The following LPA variants were observed in gnomAD, a reference collection of about 807,000 sequenced individuals.
LPA encodes the protein apolipoprotein(a).
LPA carries 199 observed loss-of-function variants against 197.9 expected under a neutral mutation model. The ratio of observed to expected loss-of-function variants is 1.01; its 90% CI spans 0.90 to 1.13. The LOEUF is 1.13. Among genes scored for constraint, LPA ranks in the 50% most tolerant of loss-of-function variants. LPA has a pLI of 0.00. For synonymous variants in LPA, 715 were observed against 639.5 expected, an observed-to-expected ratio of 1.12 and a Z score of -1.78; for missense variants, 1,853 against 1,785.8, an observed-to-expected ratio of 1.04 and a Z score of -0.68.
At chr6:160,564,972 G>A (rs1006238259) in intron 28 of LPA, among the ~76,000 whole-genome samples, 10 of 152,322 alleles carry the variant, frequency 6.6e-5, no homozygotes, top group Middle Eastern at 6.8e-3. Context: ...GCAAAGCTGG[G>A]GGAGGGGCGT....
intron 27 of LPA, 55 bp from the exon 28 acceptor site, chr6:160,577,350 G>T: frequency 1.3e-6 from 2 of 1,543,326 alleles, no homozygotes; most frequent in South Asian, 1.1e-5. Context: ...AGAGAAACAT[G>T]GGAGACAATT....
intron 22 of LPA, among the ~76,000 whole-genome samples, chr6:160,593,434 C>A (rs1779068640): frequency 6.6e-6 from 1 of 152,194 alleles, no homozygotes; most frequent in African/African-American, 2.4e-5. Context: ...CTCTCAGCTG[C>A]CTTCCTACTT....
chr6:160,546,238 G>A (rs923586475), intron 32 of LPA, among the ~76,000 whole-genome samples: 2 of 152,118 alleles, frequency 1.3e-5, no homozygotes, highest in African/African-American at 4.8e-5. Flanking sequence ...AAGGTGAGCC[G>A]ATCACCGATG....
intron 33 of LPA, 143 bp downstream of exon 33, chr6:160,545,297 G>A (rs1778047782): frequency 4.6e-6 from 3 of 654,192 alleles, no homozygotes; most frequent in Non-Finnish European, 8.1e-6. Context: ...TGGCCATGAT[G>A]AAAAGCAGGC....
chr6:160,620,602 GTTTT>G (rs1416619077), intron 12 of LPA, among the ~76,000 whole-genome samples: 1 of 103,310 alleles, frequency 9.7e-6, no homozygotes, highest in Non-Finnish European at 1.9e-5. Context: ...TACAGGTTGG[GTTTT>G]TTTTCCGAAA....
chr6:160,537,384 G>A (rs1411765442), intron 37 of LPA, among the ~76,000 whole-genome samples: 1 of 152,142 alleles, frequency 6.6e-6, no homozygotes, highest in Non-Finnish European at 1.5e-5. Flanking sequence ...GGGTATTTGG[G>A]AAGAAGAATA....
At chr6:160,611,265 G>A (rs997602673) in intron 16 of LPA, among the ~76,000 whole-genome samples, 4 of 152,070 alleles carry the variant, frequency 2.6e-5, no homozygotes, top group Non-Finnish European at 5.9e-5. Flanking sequence ...ACGCTTAGTG[G>A]GTGTTGGGCA....
intron 30 of LPA, among the ~76,000 whole-genome samples, chr6:160,554,955 C>T (rs576070183): frequency 2.6e-5 from 4 of 151,920 alleles, no homozygotes; most frequent in South Asian, 2.1e-4. Flanking sequence ...TACGGAGTTG[C>T]GCTCATTCAT....
At chr6:160,576,025 C>T (rs1185240317) in intron 28 of LPA, among the ~76,000 whole-genome samples, 1 of 152,042 alleles carries the variant, frequency 6.6e-6, no homozygotes, top group African/African-American at 2.4e-5. Flanking sequence ...TGATGAAATA[C>T]AGCACACTTA....
intron 16 of LPA, among the ~76,000 whole-genome samples, chr6:160,608,947 A>G (rs1779420372): frequency 6.6e-6 from 1 of 151,950 alleles, no homozygotes; most frequent in African/African-American, 2.4e-5. Flanking sequence ...CTATTCAGAA[A>G]TGTCTAAATT....
intron 1 of LPA, 134 bp from the exon 2 acceptor site, chr6:160,650,631 G>A (rs1435939382): frequency 4.9e-6 from 4 of 815,510 alleles, no homozygotes; most frequent in Admixed American, 4.0e-5. Context: ...CAGGCAGACA[G>A]ACGTGCAAAA....
chr6:160,601,693 T>C (rs1364863926), intron 18 of LPA, among the ~76,000 whole-genome samples: 1 of 152,234 alleles, frequency 6.6e-6, no homozygotes, highest in South Asian at 2.1e-4. Flanking sequence ...TGTCTGTCGA[T>C]ACCGTATCAG....
intron 20 of LPA, among the ~76,000 whole-genome samples, chr6:160,597,107 C>T (rs547939798): frequency 9.9e-5 from 15 of 152,272 alleles, no homozygotes; most frequent in Admixed American, 3.9e-4. Flanking sequence ...GTAGAGTACA[C>T]CTCAGTGAAT....
chr6:160,547,192 G>A (rs1778086227), intron 32 of LPA, among the ~76,000 whole-genome samples: 1 of 152,128 alleles, frequency 6.6e-6, no homozygotes, highest in South Asian at 2.1e-4. Context: ...AAATCAGTGG[G>A]AGCCCTGAGC....
At chr6:160,594,785 C>A (rs1447728537) in intron 21 of LPA, among the ~76,000 whole-genome samples, 1 of 152,150 alleles carries the variant, frequency 6.6e-6, no homozygotes, top group Non-Finnish European at 1.5e-5. Context: ...ACTGAGAGAT[C>A]CCTCCCATCA....
chr6:160,606,541 T>A lies in LPA; in HGVS notation c.2721A>T (p.Glu907Asp). Reference protein sequence around the residue: ...YCNLTQCSDAEGTAVAPPTIT... With the variant: ...YCNLTQCSDADGTAVAPPTIT... Reference sequence around the variant, plus strand: ...TAGTTGGAGGCGCGACGGCAGTCCCTTCTGCGTCTGAGCATTGTGTCAGGT... The same window carrying A: ...TAGTTGGAGGCGCGACGGCAGTCCCATCTGCGTCTGAGCATTGTGTCAGGT... The change falls in exon 17 of 39, where the codon GAA becomes GAT. Residue 907 changes from glutamate to aspartate, a missense_variant. Coordinates refer to ENST00000316300, the MANE Select transcript of LPA (RefSeq NM_005577.4). 1 of 1,613,744 alleles carries A rather than the reference T, an allele frequency of 6.2e-7. No homozygotes were observed. The highest frequency in any genetic ancestry group is 8.5e-7 in the Non-Finnish European group (1 of 1,179,970).
intron 28 of LPA, among the ~76,000 whole-genome samples, chr6:160,566,235 T>G (rs1778451996): frequency 6.6e-6 from 1 of 151,924 alleles, no homozygotes; most frequent in Non-Finnish European, 1.5e-5. Flanking sequence ...ATTGTCAGAT[T>G]CACCAGAAAG....
intron 37 of LPA, 56 bp downstream of exon 37, chr6:160,537,799 A>G (rs1777916373): frequency 1.4e-6 from 2 of 1,481,186 alleles, no homozygotes; most frequent in Admixed American, 3.5e-5. Context: ...CTCATTTTGT[A>G]ACATGCACTG....
chr6:160,650,543 G>GA (rs749848842), intron 1 of LPA, 46 bp from the exon 2 acceptor site: 29 of 1,590,164 alleles, frequency 1.8e-5, no homozygotes, highest in Non-Finnish European at 2.2e-5. Flanking sequence ...TCTTAGAACA[G>GA]AAAAAAATGT....
Sources: gnomAD v4.1 joint callset for allele counts (sites outside exome capture counted in the v4.1 genomes callset) on GRCh38, gnomAD v4.1.1 for gene constraint, MANE v1.5 for transcripts, NCBI Gene and HGNC (gene_info 2026-07-23, HGNC 2026-07-21) for gene names.